ZFHX3: variants seen among roughly 807,000 people sequenced by gnomAD.
ZFHX3 encodes the protein zinc finger homeobox 3.
In ZFHX3, 42 loss-of-function variants were observed where a neutral mutation model predicts 279.1. The ratio of observed to expected loss-of-function variants is 0.15; its 90% CI spans 0.12 to 0.19. The LOEUF (loss-of-function observed/expected upper bound fraction) is 0.19, where lower values mean the gene tolerates loss of function less well. ZFHX3 is among the 10% of genes least tolerant of loss of function. The probability of loss-of-function intolerance (pLI) is 1.00; values close to 1 mark genes in which losing one functional copy is unlikely to be tolerated. For missense variants in ZFHX3, 4,981 were observed against 4,754.0 expected (o/e 1.05, Z -1.40); for synonymous variants, 2,293 against 1,957.8 (o/e 1.17, Z -4.52).
At chr16:73,647,068 T>C (rs79311855) in intron 2 of ZFHX3, among the ~76,000 whole-genome samples, 3,017 of 149,892 alleles carry the variant, frequency 0.02, 101 homozygotes, top group African/African-American at 0.07. Flanking sequence ...GGTTGGAGTG[T>C]GTGGCGCGAT....
chr16:73,629,268 A>G (rs2052446532), intron 2 of ZFHX3, among the ~76,000 whole-genome samples: 1 of 152,110 alleles, frequency 6.6e-6, no homozygotes, highest in Non-Finnish European at 1.5e-5. Flanking sequence ...CTGGAATTTC[A>G]TATGGTATTC....
chr16:73,498,743 T>C (rs1171309878), intron 2 of ZFHX3, among the ~76,000 whole-genome samples: 3 of 152,128 alleles, frequency 2.0e-5, no homozygotes, highest in Middle Eastern at 3.2e-3. Context: ...AACCAAGGCC[T>C]CATCTGAGCC....
At chr16:73,234,673 C>T (rs780426931) in intron 5 of ZFHX3, among the ~76,000 whole-genome samples, 5 of 152,258 alleles carry the variant, frequency 3.3e-5, no homozygotes, top group South Asian at 4.2e-4. Context: ...CGGCCATGAC[C>T]GGTGTGTCTG....
intron 7 of ZFHX3, among the ~76,000 whole-genome samples, chr16:73,111,346 T>C (rs1420437332): frequency 1.3e-5 from 2 of 152,190 alleles, no homozygotes; most frequent in East Asian, 3.8e-4. Context: ...AACACACTAA[T>C]GGGAGGTCTA....
chr16:73,742,787 C>T (rs571917871), intron 1 of ZFHX3, among the ~76,000 whole-genome samples: 1 of 152,300 alleles, frequency 6.6e-6, no homozygotes, highest in South Asian at 2.1e-4. Flanking sequence ...GGTCTCATCA[C>T]CCAGTGTGAG....
intron 5 of ZFHX3, among the ~76,000 whole-genome samples, chr16:73,211,557 G>T (rs1418236746): frequency 6.6e-6 from 1 of 152,122 alleles, no homozygotes; most frequent in Admixed American, 6.5e-5. Context: ...CATCCTGCTA[G>T]ATACCAGTGA....
chr16:73,194,070 T>C (rs1020858912), intron 5 of ZFHX3, among the ~76,000 whole-genome samples: 3 of 152,230 alleles, frequency 2.0e-5, no homozygotes, highest in Non-Finnish European at 4.4e-5. Flanking sequence ...CTTTCTCTGC[T>C]GAAGAGTTAA....
intron 1 of ZFHX3, among the ~76,000 whole-genome samples, chr16:73,012,882 T>A (rs555600335): frequency 6.6e-6 from 1 of 152,302 alleles, no homozygotes; most frequent in Admixed American, 6.5e-5. Flanking sequence ...AAATACATAG[T>A]ATCAGAGGCC....
intron 4 of ZFHX3, among the ~76,000 whole-genome samples, chr16:73,305,623 C>T (rs2015163468): frequency 6.6e-6 from 1 of 151,894 alleles, no homozygotes; most frequent in Admixed American, 6.6e-5. Flanking sequence ...CAACTTCAGA[C>T]CAATCAGCAG....
chr16:72,966,150 C>G (rs1373028539), intron 1 of ZFHX3, among the ~76,000 whole-genome samples: 2 of 152,160 alleles, frequency 1.3e-5, no homozygotes, highest in Non-Finnish European at 2.9e-5. Flanking sequence ...CCCTATTTGG[C>G]TGACTGAAAT....
At position 72,787,148 on chromosome 16, in the gene ZFHX3, T is replaced by G. The variant is rs373920755; in HGVS notation, c.*16A>C. On this transcript the variant is annotated 3_prime_UTR_variant, in exon 10 of 10. Transcript: ENST00000268489. ...TGTATTTAAATTCATTTGTTTGTATTGTTCATCTTCAAAGCTTACAATCTG... is the reference window on the plus strand; with the variant it reads ...TGTATTTAAATTCATTTGTTTGTATGGTTCATCTTCAAAGCTTACAATCTG... 1 of 1,461,602 alleles carries G rather than the reference T, an allele frequency of 6.8e-7. No individual in the cohort carries two copies. The highest frequency in any genetic ancestry group is 1.4e-5 in the African/African-American group (1 of 70,904). The allele number at this position is 1,461,602 out of a possible 1,614,324, so 90.5% of individuals were successfully genotyped here. A position where few individuals can be genotyped will look rare whatever the true frequency, so the allele number is the denominator to read the frequency against.
At chr16:73,227,848 CA>C (rs398029895) in intron 5 of ZFHX3, among the ~76,000 whole-genome samples, 2,864 of 45,950 alleles carry the variant, frequency 0.062, 7 homozygotes, top group African/African-American at 0.095. Flanking sequence ...GATTCTGTCT[CA>C]AAAAAAAAAA....
intron 2 of ZFHX3, among the ~76,000 whole-genome samples, chr16:73,473,339 C>CAAAAAAAAAAAAAAAAAGAAAAAAAAAA (rs2018703248): frequency 1.3e-5 from 1 of 76,658 alleles, no homozygotes; most frequent in Non-Finnish European, 2.3e-5. Flanking sequence ...TGTCTCAAAG[C>CAAAAAAAAAAAAAAAAAGAAAAAAAAAA]AAAAAAAAAA....
chr16:73,682,970 G>GA (rs546096462), intron 1 of ZFHX3, among the ~76,000 whole-genome samples: 490 of 26,986 alleles, frequency 0.018, 54 homozygotes, highest in African/African-American at 0.055. Flanking sequence ...AAGAAAGAAA[G>GA]AAAGAAAGAA....
At chr16:73,248,120 T>A (rs573643698) in intron 5 of ZFHX3, among the ~76,000 whole-genome samples, 1 of 152,074 alleles carries the variant, frequency 6.6e-6, no homozygotes, top group Non-Finnish European at 1.5e-5. Context: ...GGAGTGTGTG[T>A]GTATACTGTG....
intron 2 of ZFHX3, among the ~76,000 whole-genome samples, chr16:73,471,747 C>T (rs1597348270): frequency 1.3e-5 from 2 of 152,204 alleles, no homozygotes; most frequent in East Asian, 3.9e-4. Flanking sequence ...TTGACAATCT[C>T]ACTTGAGAAG....
intron 1 of ZFHX3, among the ~76,000 whole-genome samples, chr16:73,783,800 T>C (rs763840019): frequency 5.9e-5 from 9 of 152,188 alleles, no homozygotes; most frequent in Non-Finnish European, 1.2e-4. Flanking sequence ...ATGAGAAAAC[T>C]AAAGTCAGAT....
At chr16:72,907,021 C>T (rs1455996990) in intron 3 of ZFHX3, among the ~76,000 whole-genome samples, 2 of 152,150 alleles carry the variant, frequency 1.3e-5, no homozygotes, top group African/African-American at 2.4e-5. Context: ...TGCTTTCTCC[C>T]GGGGCTACAG....
intron 3 of ZFHX3, among the ~76,000 whole-genome samples, chr16:73,433,619 A>G (rs1235084380): frequency 2.0e-5 from 3 of 152,188 alleles, no homozygotes; most frequent in African/African-American, 7.2e-5. Context: ...AGCAGTTTGC[A>G]TACACACAGG....
Sources: gnomAD v4.1 joint callset for allele counts (sites outside exome capture counted in the v4.1 genomes callset) on GRCh38, gnomAD v4.1.1 for gene constraint, MANE v1.5 for transcripts, NCBI Gene and HGNC (gene_info 2026-07-23, HGNC 2026-07-21) for gene names.